RBMS3: variants seen among roughly 807,000 people sequenced by gnomAD.
RBMS3 encodes RNA-binding motif, single-stranded-interacting protein 3.
In RBMS3, 27 loss-of-function variants were observed where a neutral mutation model predicts 66.8. The observed-to-expected ratio is 0.40, with a 90% confidence interval of 0.30 to 0.56. The LOEUF (loss-of-function observed/expected upper bound fraction) is 0.56. RBMS3 is among the 20% of genes least tolerant of loss of function. The pLI, the probability that RBMS3 is intolerant of heterozygous loss-of-function variation, is 0.40. For missense variants in RBMS3, 513 were observed against 549.5 expected, an observed-to-expected ratio of 0.93 and a Z score of 0.66; for synonymous variants, 188 against 183.0, an observed-to-expected ratio of 1.03 and a Z score of -0.22.
At chr3:29,756,095 T>A (rs1028176872) in intron 5 of RBMS3, among the ~76,000 whole-genome samples, 1 of 152,228 alleles carries the variant, frequency 6.6e-6, no homozygotes, top group Non-Finnish European at 1.5e-5. Context: ...AAAACTGCTC[T>A]TTTACTCTGT....
chr3:29,925,686 T>C (rs1240517731), intron 10 of RBMS3, among the ~76,000 whole-genome samples: 1 of 152,128 alleles, frequency 6.6e-6, no homozygotes, highest in Non-Finnish European at 1.5e-5. Flanking sequence ...GCAGACCAAA[T>C]GCAGAGCTAA....
chr3:29,982,299 A>G (rs140688852), intron 12 of RBMS3, among the ~76,000 whole-genome samples: 1 of 152,126 alleles, frequency 6.6e-6, no homozygotes, highest in East Asian at 1.9e-4. Context: ...TGGTGTCTAT[A>G]TGATTCTTCT....
intron 3 of RBMS3, among the ~76,000 whole-genome samples, chr3:29,520,596 A>G (rs1189531626): frequency 6.6e-6 from 1 of 152,202 alleles, no homozygotes; most frequent in East Asian, 1.9e-4. Flanking sequence ...GAAGGAGAGT[A>G]TATCTTCATT....
intron 4 of RBMS3, among the ~76,000 whole-genome samples, chr3:29,716,350 A>G (rs2053393767): frequency 6.6e-6 from 1 of 152,178 alleles, no homozygotes; most frequent in Non-Finnish European, 1.5e-5. Flanking sequence ...ATAGCATTCT[A>G]AAACAAACAA....
chr3:29,639,625 A>AGAGAGAGAG (rs2049618233), intron 4 of RBMS3, among the ~76,000 whole-genome samples: 1 of 122,268 alleles, frequency 8.2e-6, no homozygotes, highest in African/African-American at 3.3e-5. Context: ...GAGAGAGAGA[A>AGAGAGAGAG]TGATCAGAAT....
chr3:29,925,256 A>T (rs752197949), intron 10 of RBMS3: 2 of 152,172 alleles, frequency 1.3e-5, no homozygotes, highest in Non-Finnish European at 2.9e-5. Flanking sequence ...ATGTATATTG[A>T]GCTAACCAAA....
chr3:29,763,828 C>A (rs188119297), intron 6 of RBMS3, among the ~76,000 whole-genome samples: 1 of 151,864 alleles, frequency 6.6e-6, no homozygotes, highest in Admixed American at 6.6e-5. Context: ...AGAAAAATTA[C>A]GTAAAGATTC....
chr3:29,921,669 A>T (rs576502724), intron 10 of RBMS3, among the ~76,000 whole-genome samples: 3 of 152,198 alleles, frequency 2.0e-5, no homozygotes, highest in Non-Finnish European at 2.9e-5. Flanking sequence ...AAATGTAATT[A>T]TAGCCAACTC....
At chr3:29,572,222 G>A (rs912486235) in intron 3 of RBMS3, among the ~76,000 whole-genome samples, 7 of 151,408 alleles carry the variant, frequency 4.6e-5, no homozygotes, top group African/African-American at 1.2e-4. Context: ...ATCTGCAAAC[G>A]AGGATAATTT....
intron 4 of RBMS3, among the ~76,000 whole-genome samples, chr3:29,671,091 C>A (rs1273335165): frequency 6.6e-6 from 1 of 152,176 alleles, no homozygotes; most frequent in Admixed American, 6.5e-5. Flanking sequence ...TGCTGTTCTG[C>A]AATATTTGCT....
intron 1 of RBMS3, among the ~76,000 whole-genome samples, chr3:29,344,624 A>G (rs2036469505): frequency 6.6e-6 from 1 of 152,116 alleles, no homozygotes; most frequent in Admixed American, 6.6e-5. Context: ...ATTATGTGCA[A>G]CCAGGCTACC....
chr3:29,415,846 G>C (rs1051131013), intron 1 of RBMS3, among the ~76,000 whole-genome samples: 9 of 152,024 alleles, frequency 5.9e-5, no homozygotes, highest in Non-Finnish European at 1.2e-4. Context: ...AATGATTGCT[G>C]AGTTCAAGTG....
At chr3:29,698,347 G>A (rs753201518) in intron 4 of RBMS3, 104 of 985,206 alleles carry the variant, frequency 1.1e-4, no homozygotes, top group Admixed American at 1.8e-4. Context: ...TAATAAAACC[G>A]GAGCAGTTTG....
intron 4 of RBMS3, among the ~76,000 whole-genome samples, chr3:29,644,723 CTGAT>C (rs2049852258): frequency 1.3e-5 from 2 of 152,070 alleles, no homozygotes; most frequent in African/African-American, 4.8e-5. Flanking sequence ...TTGTTTGACT[CTGAT>C]TGTATTGATT....
At chr3:29,568,497 GGA>G (rs1483651357) in intron 3 of RBMS3, among the ~76,000 whole-genome samples, 1 of 152,224 alleles carries the variant, frequency 6.6e-6, no homozygotes. Context: ...TGAGGGAGTT[GGA>G]GAGAGAAAAT....
At chr3:29,408,602 A>T (rs2040129385) in intron 1 of RBMS3, among the ~76,000 whole-genome samples, 1 of 152,098 alleles carries the variant, frequency 6.6e-6, no homozygotes, top group Non-Finnish European at 1.5e-5. Flanking sequence ...ATAGGCACAG[A>T]CTTCTGACTC....
At chr3:29,330,167 C>T (rs2035570598) in intron 1 of RBMS3, among the ~76,000 whole-genome samples, 1 of 152,036 alleles carries the variant, frequency 6.6e-6, no homozygotes, top group Admixed American at 6.6e-5. Context: ...GCAACTATTG[C>T]TAATTTTTGA....
chr3:29,987,891 A>G (rs755234720), intron 12 of RBMS3, among the ~76,000 whole-genome samples: 37 of 152,282 alleles, frequency 2.4e-4, no homozygotes, highest in Non-Finnish European at 4.1e-4. Context: ...GTGTAAAAGG[A>G]CAAAGTGAGG....
At chr3:29,587,330 C>A in intron 4 of RBMS3, 125 bp downstream of exon 4, 1 of 554,642 alleles carries the variant, frequency 1.8e-6, no homozygotes, top group Non-Finnish European at 2.8e-6. Context: ...TTAAATATTT[C>A]TCCTTTGCTC....
Sources: allele counts gnomAD v4.1 joint callset (sites outside exome capture counted in the v4.1 genomes callset), GRCh38; gene constraint gnomAD v4.1.1; transcripts MANE v1.5; gene names NCBI Gene and HGNC (gene_info 2026-07-23, HGNC 2026-07-21).